FHL1: variants seen among roughly 807,000 people sequenced by gnomAD.
The protein encoded by FHL1 is four and a half LIM domains 1.
In FHL1, 1 loss-of-function variant was observed where a neutral mutation model predicts 20.3. The ratio of observed to expected loss-of-function variants is 0.05; its 90% CI spans 0.02 to 0.23. FHL1 has a LOEUF of 0.23. Among genes scored for constraint, FHL1 ranks in the 10% least tolerant of loss-of-function variants. The pLI, the probability that FHL1 is intolerant of heterozygous loss-of-function variation, is 1.00. For missense variants in FHL1, 177 were observed against 234.0 expected, an observed-to-expected ratio of 0.76 and a Z score of 1.59; for synonymous variants, 82 against 88.9, an observed-to-expected ratio of 0.92 and a Z score of 0.44.
intron 2 of FHL1, among the ~76,000 whole-genome samples, chrX:136,181,036 C>T (rs1483594761): frequency 2.7e-5 from 3 of 112,624 alleles, no homozygotes; most frequent in Non-Finnish European, 5.6e-5. Context: ...AGCCACCGCG[C>T]CCGGCCCTGA....
intron 2 of FHL1, among the ~76,000 whole-genome samples, chrX:136,182,436 G>C (rs1463527160): frequency 1.8e-5 from 2 of 112,261 alleles, no homozygotes; most frequent in Non-Finnish European, 3.8e-5. Context: ...TTACAATTTG[G>C]ACAGAGAGAA....
chrX:136,197,075 C>T lies in FHL1; in HGVS notation c.-38C>T, dbSNP rs760266841. On this transcript the variant is annotated 5_prime_UTR_variant, in exon 1 of 6. Coordinates refer to ENST00000370683, the MANE Select transcript of FHL1 (RefSeq NM_001159699.2). ...CTTATCAGCTGGGGTTGAGGGAAGA[C>T]TGGTCTAGGTGCTGCTCCTGAACTT... is the stretch of plus-strand genomic sequence containing the variant. 3 of 1,199,346 alleles carry T rather than the reference C, an allele frequency of 2.5e-6. No homozygotes were observed. Among genetic ancestry groups the T allele is most frequent in the Non-Finnish European group, 3.4e-6 (3 of 886,451 alleles).
chrX:136,195,844 A>C (rs1440663388), upstream of FHL1, among the ~76,000 whole-genome samples: 1 of 111,839 alleles, frequency 8.9e-6, no homozygotes, highest in Non-Finnish European at 1.9e-5. Context: ...AGTGGCTATA[A>C]AGGTGTCTGT....
At chrX:136,195,481 A>G (rs2073534384), upstream of FHL1, among the ~76,000 whole-genome samples, 1 of 112,449 alleles carries the variant, frequency 8.9e-6, no homozygotes, top group Admixed American at 9.4e-5. Context: ...ATCAGGCTGG[A>G]TGAGAAAGAG....
rs1268549852 is a variant in FHL1, at chrX:136,207,943, T to C, written c.531T>C (p.His177=). 4.1e-6 allele frequency: 5 copies of C among 1,211,159 alleles called. No individual in the cohort carries two copies. The highest frequency in any genetic ancestry group is 2.2e-6 in the Non-Finnish European group (2 of 895,417). ...VTCHETKFAK[H]CVKCNKAITS... Reference sequence around the variant, plus strand: ...GCCATGAGACCAAGTTTGCCAAGCATTGCGTGAAGTGCAACAAGGTATGCT... The same window carrying C: ...GCCATGAGACCAAGTTTGCCAAGCACTGCGTGAAGTGCAACAAGGTATGCT... The change falls in exon 4 of 6, where the codon CAT becomes CAC. Residue 177 remains histidine, a synonymous_variant. Coordinates refer to ENST00000370683, the MANE Select transcript of FHL1 (RefSeq NM_001159699.2).
intron 1 of FHL1, among the ~76,000 whole-genome samples, chrX:136,203,249 G>A (rs1481117804): frequency 1.8e-5 from 2 of 112,265 alleles, no homozygotes; most frequent in African/African-American, 6.5e-5. Flanking sequence ...ACATTAAAAG[G>A]ACTCAAGTGA....
intron 5 of FHL1, chrX:136,209,456 C>T (rs1467676763): frequency 8.3e-7 from 1 of 1,206,596 alleles, no homozygotes; most frequent in Admixed American, 2.2e-5. Flanking sequence ...AGTGCACACC[C>T]CACGAACAGC....
At chrX:136,148,660 C>G (rs2072178183) in intron 1 of FHL1, 1 of 111,607 alleles carries the variant, frequency 9.0e-6, no homozygotes, top group South Asian at 3.8e-4. Flanking sequence ...AAAAAATCAT[C>G]AAGGCTAAGC....
intron 1 of FHL1, among the ~76,000 whole-genome samples, chrX:136,163,006 A>G (rs2072614749): frequency 8.9e-6 from 1 of 112,177 alleles, no homozygotes; most frequent in South Asian, 3.7e-4. Context: ...TCCAGAGGGG[A>G]GGAACGCCCT....
At chrX:136,194,184 C>G (rs1291731368), upstream of FHL1, among the ~76,000 whole-genome samples, 1 of 112,040 alleles carries the variant, frequency 8.9e-6, no homozygotes, top group Non-Finnish European at 1.9e-5. Context: ...TTATACCTTT[C>G]TTGTAATACT....
intron 5 of FHL1, chrX:136,209,305 C>T (rs779090125): frequency 7.4e-5 from 89 of 1,208,835 alleles, no homozygotes; most frequent in Non-Finnish European, 9.7e-5. Flanking sequence ...CCCAGTGTGC[C>T]ACGGGAAACG....
intron 1 of FHL1, among the ~76,000 whole-genome samples, chrX:136,151,862 C>T (rs1042318443): frequency 4.5e-5 from 5 of 111,967 alleles, no homozygotes; most frequent in African/African-American, 1.6e-4. Flanking sequence ...AATGAGGAAC[C>T]ACACTCAGAG....
chrX:136,195,159 A>G (rs1402008669), upstream of FHL1, among the ~76,000 whole-genome samples: 3 of 112,097 alleles, frequency 2.7e-5, no homozygotes, highest in African/African-American at 9.7e-5. Context: ...CACTTTTCAA[A>G]ATGATCAGAA....
At chrX:136,200,735 C>G (rs753052368) in intron 1 of FHL1, among the ~76,000 whole-genome samples, 2 of 112,116 alleles carry the variant, frequency 1.8e-5, no homozygotes, top group African/African-American at 6.5e-5. Context: ...CCAAGTCACT[C>G]GGCACCAAAG....
In FHL1 at chrX:136,150,157, G is replaced by T. The variant is rs140699809; in HGVS notation, c.-101+2529G>T. Among the ~76,000 whole-genome samples the T allele has an allele frequency of 3.3e-3, 368 of 112,167 alleles. 1 individual carries two copies. Among genetic ancestry groups the T allele is most frequent in the Non-Finnish European group, 6.3e-3 (338 of 53,229 alleles). ...ACATTTCAGGAATTAACAGAAGTCGGATCAAATTCTCTTGCTAGATGTTCT... is the reference window on the plus strand; with the variant it reads ...ACATTTCAGGAATTAACAGAAGTCGTATCAAATTCTCTTGCTAGATGTTCT... On this transcript the variant is annotated intron_variant, in intron 1 of 7. Coordinates refer to the FHL1 transcript ENST00000394155.
At chrX:136,169,338 G>T (rs747598226), upstream of FHL1, 35 of 142,122 alleles carry the variant, frequency 2.5e-4, no homozygotes, top group Non-Finnish European at 4.5e-4. Context: ...CCTGGGATGA[G>T]CCTGCCCGCT....
At chrX:136,152,669 G>A (rs374048305) in intron 1 of FHL1, among the ~76,000 whole-genome samples, 1 of 96,255 alleles carries the variant, frequency 1.0e-5, no homozygotes, top group African/African-American at 3.9e-5. Context: ...GCAGTGAGCC[G>A]AGATAGCGCC....
chrX:136,172,802 G>A (rs779847253), intron 2 of FHL1, among the ~76,000 whole-genome samples: 2 of 112,017 alleles, frequency 1.8e-5, no homozygotes, highest in African/African-American at 3.2e-5. Flanking sequence ...GTGCAATCTC[G>A]GCTCACTGCA....
chrX:136,206,286 G>T, intron 1 of FHL1, 121 bp from the exon 2 acceptor site: 1 of 862,793 alleles, frequency 1.2e-6, no homozygotes, highest in African/African-American at 2.0e-5. Context: ...GGGGAAGCTG[G>T]GTCTTGGTCC....
Sources: gnomAD v4.1 joint callset for allele counts (sites outside exome capture counted in the v4.1 genomes callset) on GRCh38, gnomAD v4.1.1 for gene constraint, MANE v1.5 for transcripts, NCBI Gene and HGNC (gene_info 2026-07-23, HGNC 2026-07-21) for gene names.